Variants in EXOC6B observed in about 807,000 individuals in gnomAD.
The protein encoded by EXOC6B is exocyst complex component 6B, also known as SEC15 homolog B.
Under a neutral mutation model 113.5 loss-of-function variants are expected in EXOC6B, and 54 were observed. That is an observed-to-expected ratio of 0.48 (90% CI 0.38 to 0.60). The LOEUF (loss-of-function observed/expected upper bound fraction) is 0.60, where lower values mean the gene tolerates loss of function less well. Ranked by LOEUF, EXOC6B falls within the 20% of genes least tolerant of loss-of-function variation. EXOC6B has a pLI of 0.00. For synonymous variants in EXOC6B, 357 were observed against 339.0 expected (o/e 1.05, Z -0.58); for missense variants, 797 against 977.5 (o/e 0.82, Z 2.46).
At chr2:72,556,632 TA>T (rs1703558822) in intron 8 of EXOC6B, among the ~76,000 whole-genome samples, 6 of 152,118 alleles carry the variant, frequency 3.9e-5, no homozygotes. Flanking sequence ...ATGAACTTCC[TA>T]AAGTCCCCTT....
At chr2:72,669,232 C>A (rs1015498364) in intron 6 of EXOC6B, among the ~76,000 whole-genome samples, 63 of 152,138 alleles carry the variant, frequency 4.1e-4, no homozygotes, top group African/African-American at 1.5e-3. Context: ...GCAAAAAGTT[C>A]TAATCACTGT....
intron 20 of EXOC6B, among the ~76,000 whole-genome samples, chr2:72,250,523 T>G (rs1276839116): frequency 6.6e-6 from 1 of 151,950 alleles, no homozygotes; most frequent in Non-Finnish European, 1.5e-5. Context: ...TTGTTTTTTT[T>G]TGTAGAGACA....
chr2:72,374,694 AT>A (rs1691244285), intron 19 of EXOC6B, among the ~76,000 whole-genome samples: 1 of 151,734 alleles, frequency 6.6e-6, no homozygotes, highest in African/African-American at 2.4e-5. Flanking sequence ...GTATGATTAG[AT>A]TGTAACACAA....
intron 18 of EXOC6B, chr2:72,461,553 A>T (rs1697677787): frequency 6.6e-6 from 1 of 151,972 alleles, no homozygotes; most frequent in South Asian, 2.1e-4. Context: ...ACATTATATG[A>T]ATATACAATA....
At chr2:72,725,987 T>A (rs904071836) in intron 5 of EXOC6B, among the ~76,000 whole-genome samples, 2 of 152,150 alleles carry the variant, frequency 1.3e-5, no homozygotes, top group Middle Eastern at 3.2e-3. Context: ...TAAATGTCCA[T>A]CAACTGATGA....
At chr2:72,715,737 TC>T (rs1203877421) in intron 6 of EXOC6B, among the ~76,000 whole-genome samples, 2 of 152,172 alleles carry the variant, frequency 1.3e-5, no homozygotes, top group Non-Finnish European at 2.9e-5. Context: ...TCTAGCTTCT[TC>T]ATTGTATATT....
At chr2:72,354,041 A>G (rs1307028095) in intron 19 of EXOC6B, among the ~76,000 whole-genome samples, 2 of 152,204 alleles carry the variant, frequency 1.3e-5, no homozygotes, top group Non-Finnish European at 2.9e-5. Context: ...TTTCAAAACC[A>G]TGTATCAGGA....
At chr2:72,506,142 A>G (rs1003905144) in intron 11 of EXOC6B, among the ~76,000 whole-genome samples, 3 of 152,122 alleles carry the variant, frequency 2.0e-5, no homozygotes, top group Non-Finnish European at 2.9e-5. Flanking sequence ...TCATGTATGC[A>G]TTATAAAAGG....
intron 8 of EXOC6B, among the ~76,000 whole-genome samples, chr2:72,527,798 G>T (rs1297741204): frequency 6.6e-6 from 1 of 151,780 alleles, no homozygotes; most frequent in East Asian, 1.9e-4. Flanking sequence ...CTTCTCATGT[G>T]CTTATATGCT....
chr2:72,694,872 C>T (rs1260105219), intron 6 of EXOC6B, among the ~76,000 whole-genome samples: 1 of 152,178 alleles, frequency 6.6e-6, no homozygotes. Context: ...GGGACTCTGC[C>T]AATTCACCCT....
chr2:72,759,094 C>T (rs1682604095), intron 1 of EXOC6B, among the ~76,000 whole-genome samples: 1 of 152,162 alleles, frequency 6.6e-6, no homozygotes, highest in African/African-American at 2.4e-5. Context: ...TTAGTTCTAC[C>T]ACTTAATAGT....
Position 72,825,730 on chromosome 2 carries a change from C to T in EXOC6B, c.113+68G>A, listed in dbSNP as rs1250929888. The T allele has an allele frequency of 4.1e-6, 6 of 1,472,876 alleles. No homozygotes were observed. In the East Asian group the frequency reaches 1.5e-4, roughly 37 times the overall value. 91.2% of individuals were successfully genotyped at this position (1,472,876 alleles called of 1,614,324 possible). A position where few individuals can be genotyped will look rare whatever the true frequency, so the allele number is the denominator to read the frequency against. On this transcript the variant is annotated intron_variant, in intron 1 of 21. Coordinates refer to ENST00000272427, the MANE Select transcript of EXOC6B (RefSeq NM_015189.3). The surrounding 1 kb of genome is among the most constrained non-coding windows in gnomAD (Gnocchi z 4.4). ...GGACCTGGGGACAGCCGGCCGGAGG[C>T]CCGACCCAGAGGAGCCTGCCCCGTC...
intron 5 of EXOC6B, among the ~76,000 whole-genome samples, chr2:72,721,509 T>C (rs1680010948): frequency 6.6e-6 from 1 of 151,414 alleles, no homozygotes; most frequent in Non-Finnish European, 1.5e-5. Flanking sequence ...AAAAAATAAT[T>C]TGTAATACAT....
At chr2:72,227,627 T>C (rs1203939627) in intron 20 of EXOC6B, among the ~76,000 whole-genome samples, 1 of 152,204 alleles carries the variant, frequency 6.6e-6, no homozygotes, top group African/African-American at 2.4e-5. Context: ...ATATGTAACA[T>C]TGCATTCATT....
chr2:72,349,426 G>C (rs555338220), intron 19 of EXOC6B, among the ~76,000 whole-genome samples: 5 of 152,180 alleles, frequency 3.3e-5, no homozygotes, highest in Non-Finnish European at 5.9e-5. Context: ...CCAATTATGG[G>C]ATTGAACAGT....
At chr2:72,768,055 T>G (rs1369233259) in intron 1 of EXOC6B, among the ~76,000 whole-genome samples, 1 of 147,144 alleles carries the variant, frequency 6.8e-6, no homozygotes, top group Non-Finnish European at 1.5e-5. Flanking sequence ...AGGCAGAGGT[T>G]ACAGTGAGTT....
intron 19 of EXOC6B, among the ~76,000 whole-genome samples, chr2:72,367,124 T>C (rs1348913539): frequency 2.0e-5 from 3 of 152,076 alleles, no homozygotes; most frequent in African/African-American, 4.8e-5. Flanking sequence ...GTAGAAGTAA[T>C]ATGTATAACA....
chr2:72,655,663 C>T (rs1674523385), intron 6 of EXOC6B, among the ~76,000 whole-genome samples: 1 of 151,900 alleles, frequency 6.6e-6, no homozygotes, highest in African/African-American at 2.4e-5. Context: ...TAGAGAAACT[C>T]CAGTATCCAA....
At chr2:72,735,020 G>C (rs185444103) in intron 2 of EXOC6B, among the ~76,000 whole-genome samples, 1 of 152,244 alleles carries the variant, frequency 6.6e-6, no homozygotes, top group South Asian at 2.1e-4. Flanking sequence ...TTTGTTACTA[G>C]AAAACAGTAT....
Sources: allele counts gnomAD v4.1 joint callset (sites outside exome capture counted in the v4.1 genomes callset), GRCh38; gene constraint gnomAD v4.1.1; non-coding constraint Gnocchi (gnomAD v3.1); transcripts MANE v1.5; gene names NCBI Gene and HGNC (gene_info 2026-07-23, HGNC 2026-07-21).